The following NKAIN2 variants were observed in gnomAD, a reference collection of about 807,000 sequenced individuals.
NKAIN2 encodes the protein sodium/potassium-transporting ATPase subunit beta-1-interacting protein 2.
In NKAIN2, 14 loss-of-function variants were observed where a neutral mutation model predicts 32.6. That is an observed-to-expected ratio of 0.43 (90% confidence interval 0.28 to 0.67). NKAIN2 has a LOEUF of 0.67. Among genes scored for constraint, NKAIN2 ranks in the 30% least tolerant of loss-of-function variants. The pLI is 0.17. For synonymous variants in NKAIN2, 80 were observed against 87.2 expected (o/e 0.92, Z 0.46); for missense variants, 198 against 258.3 (o/e 0.77, Z 1.60).
intron 1 of NKAIN2, among the ~76,000 whole-genome samples, chr6:123,938,799 T>C (rs898276518): frequency 6.6e-6 from 1 of 151,202 alleles, no homozygotes; most frequent in Non-Finnish European, 1.5e-5. Context: ...TTGAATATAT[T>C]AGGAATTAAG....
chr6:124,201,389 C>A (rs1029835953), intron 1 of NKAIN2, among the ~76,000 whole-genome samples: 1 of 151,970 alleles, frequency 6.6e-6, no homozygotes, highest in African/African-American at 2.4e-5. Flanking sequence ...CATCCTTTAG[C>A]ATTAAAATTC....
chr6:124,777,070 T>C (rs990816467), intron 4 of NKAIN2, among the ~76,000 whole-genome samples: 5 of 152,196 alleles, frequency 3.3e-5, no homozygotes, highest in Non-Finnish European at 5.9e-5. Flanking sequence ...TATATGCTCA[T>C]GTGATCAGAT....
intron 1 of NKAIN2, among the ~76,000 whole-genome samples, chr6:124,056,532 C>T (rs1782661531): frequency 1.3e-5 from 2 of 151,834 alleles, no homozygotes; most frequent in Admixed American, 1.3e-4. Context: ...CTTTGCAGTG[C>T]ATAACACAGA....
chr6:124,283,987 T>C (rs944081200), intron 2 of NKAIN2, among the ~76,000 whole-genome samples: 1 of 152,174 alleles, frequency 6.6e-6, no homozygotes, highest in Admixed American at 6.5e-5. Context: ...TCATGTTTTA[T>C]GAAAGCGTCC....
At chr6:124,639,955 T>C (rs1783922698) in intron 3 of NKAIN2, among the ~76,000 whole-genome samples, 1 of 152,112 alleles carries the variant, frequency 6.6e-6, no homozygotes, top group South Asian at 2.1e-4. Context: ...TTATTGTATA[T>C]TTTCAAATAG....
intron 3 of NKAIN2, among the ~76,000 whole-genome samples, chr6:124,581,075 A>G (rs989699116): frequency 6.6e-6 from 1 of 152,208 alleles, no homozygotes. Flanking sequence ...ATAGACCCCA[A>G]TGCAATAATA....
At chr6:123,922,703 A>G (rs558448726) in intron 1 of NKAIN2, among the ~76,000 whole-genome samples, 2 of 152,212 alleles carry the variant, frequency 1.3e-5, no homozygotes, top group South Asian at 2.1e-4. Flanking sequence ...TTACAAAGGA[A>G]TCTTGGTGTC....
intron 4 of NKAIN2, among the ~76,000 whole-genome samples, chr6:124,789,231 C>T (rs558934976): frequency 5.8e-4 from 88 of 152,034 alleles, no homozygotes; most frequent in Middle Eastern, 3.4e-3. Context: ...ATGCTTGTTA[C>T]CTAGATTTTC....
chr6:124,671,751 T>C (rs576898353), intron 4 of NKAIN2, among the ~76,000 whole-genome samples: 184 of 152,116 alleles, frequency 1.2e-3, no homozygotes, highest in African/African-American at 4.4e-3. Flanking sequence ...AGGTACTTGG[T>C]TTTTTCTTGG....
chr6:124,046,595 A>G (rs919900600), intron 1 of NKAIN2, among the ~76,000 whole-genome samples: 3 of 152,036 alleles, frequency 2.0e-5, no homozygotes, highest in Admixed American at 1.3e-4. Flanking sequence ...ATTAAGCAAT[A>G]AAGAGTTGAT....
chr6:124,271,843 C>T (rs912461891), intron 1 of NKAIN2, among the ~76,000 whole-genome samples: 3 of 152,104 alleles, frequency 2.0e-5, no homozygotes, highest in Admixed American at 6.5e-5. Context: ...AAAGGTCACT[C>T]GTGCTATATT....
intron 3 of NKAIN2, among the ~76,000 whole-genome samples, chr6:124,503,456 T>G (rs937899702): frequency 2.6e-5 from 4 of 152,250 alleles, no homozygotes; most frequent in Middle Eastern, 3.4e-3. Context: ...GAAAGTAGCT[T>G]AAAATATTTT....
chr6:124,507,430 A>C (rs764149693), intron 3 of NKAIN2, among the ~76,000 whole-genome samples: 26 of 152,084 alleles, frequency 1.7e-4, no homozygotes, highest in Non-Finnish European at 2.9e-4. Context: ...AGTATGGGAA[A>C]ATTTTTATTC....
intron 1 of NKAIN2, among the ~76,000 whole-genome samples, chr6:124,261,658 G>A (rs1257588628): frequency 6.6e-6 from 1 of 152,050 alleles, no homozygotes; most frequent in African/African-American, 2.4e-5. Flanking sequence ...TCAGGAGTTC[G>A]AGACTAGTCT....
intron 1 of NKAIN2, among the ~76,000 whole-genome samples, chr6:124,282,071 T>C (rs2114918409): frequency 6.6e-6 from 1 of 152,328 alleles, no homozygotes; most frequent in Non-Finnish European, 1.5e-5. Flanking sequence ...TTGTTGGATC[T>C]GATGAGATCT....
intron 1 of NKAIN2, among the ~76,000 whole-genome samples, chr6:124,123,228 C>T (rs909101656): frequency 1.1e-4 from 17 of 151,922 alleles, no homozygotes; most frequent in Non-Finnish European, 1.8e-4. Flanking sequence ...ATAATAGGTG[C>T]TCAGTGAATG....
intron 4 of NKAIN2, among the ~76,000 whole-genome samples, chr6:124,724,067 A>G (rs1216444912): frequency 6.6e-6 from 1 of 152,258 alleles, no homozygotes; most frequent in East Asian, 1.9e-4. Context: ...CATAATGTTC[A>G]GATGTAAGTC....
At chr6:124,458,409 T>C (rs1583283222) in intron 3 of NKAIN2, among the ~76,000 whole-genome samples, 1 of 151,874 alleles carries the variant, frequency 6.6e-6, no homozygotes, top group East Asian at 1.9e-4. Flanking sequence ...CAAAAGAAAT[T>C]GAAGCAGTGT....
intron 3 of NKAIN2, among the ~76,000 whole-genome samples, chr6:124,365,761 C>T (rs1475947884): frequency 1.3e-5 from 2 of 151,860 alleles, no homozygotes; most frequent in African/African-American, 4.8e-5. Flanking sequence ...TATAATGATT[C>T]AAAATGTAGA....
Sources: gnomAD v4.1 joint callset for allele counts (sites outside exome capture counted in the v4.1 genomes callset) on GRCh38, gnomAD v4.1.1 for gene constraint, MANE v1.5 for transcripts, NCBI Gene and HGNC (gene_info 2026-07-23, HGNC 2026-07-21) for gene names.